Variants in ZNF45 observed in about 807,000 individuals in gnomAD.
The protein encoded by ZNF45 is zinc finger protein 45, also known as BRC1744.
A neutral mutation model predicts 12.0 loss-of-function variants in ZNF45; 4 were observed. That is an observed-to-expected ratio of 0.33 (90% CI 0.16 to 0.76). The LOEUF (loss-of-function observed/expected upper bound fraction) is 0.76. Ranked by LOEUF, ZNF45 falls within the 30% of genes least tolerant of loss-of-function variation. The probability of loss-of-function intolerance (pLI) is 0.60; values close to 1 mark genes in which losing one functional copy is unlikely to be tolerated. For missense variants in ZNF45, 700 were observed against 813.0 expected, an observed-to-expected ratio of 0.86 and a Z score of 1.69; for synonymous variants, 272 against 279.6, an observed-to-expected ratio of 0.97 and a Z score of 0.27.
At chr19:43,923,351 TGA>T (rs370797369) in intron 6 of ZNF45, among the ~76,000 whole-genome samples, 25 of 151,410 alleles carry the variant, frequency 1.7e-4, no homozygotes, top group Admixed American at 1.4e-3. Flanking sequence ...TAAGATATTC[TGA>T]GAGAGAGAGA....
rs11883311 is a variant in ZNF45 at position 43,912,994 on chromosome 19, A to G, written c.*393T>C. The G allele has an allele frequency of 6.7e-3, 1,092 of 162,054 alleles. 17 individuals carry two copies. The highest frequency in any genetic ancestry group is 0.025 in the African/African-American group (1,033 of 41,902). 10.0% of individuals were successfully genotyped at this position (162,054 alleles called of 1,614,324 possible). On this transcript the variant is annotated 3_prime_UTR_variant, in exon 10 of 10. Coordinates refer to ENST00000269973, the MANE Select transcript of ZNF45 (RefSeq NM_003425.4). ...CTAGAGATAAATAAAAATGTCAAATATTACTGAATTTCAAATATGACAGTA... is the reference window on the plus strand; with the variant it reads ...CTAGAGATAAATAAAAATGTCAAATGTTACTGAATTTCAAATATGACAGTA...
At chr19:43,930,654 G>C (rs1291004872) in intron 3 of ZNF45, among the ~76,000 whole-genome samples, 2 of 152,096 alleles carry the variant, frequency 1.3e-5, no homozygotes, top group Non-Finnish European at 2.9e-5. Context: ...AAGAGGAAAG[G>C]GCTGCAGAAT....
chr19:43,927,222 A>G (rs1023596538), intron 3 of ZNF45, among the ~76,000 whole-genome samples: 1 of 152,148 alleles, frequency 6.6e-6, no homozygotes, highest in African/African-American at 2.4e-5. Context: ...CTAGGTATTT[A>G]CTTACTTATA....
chr19:43,915,418 C>A (rs1972561561), intron 9 of ZNF45, among the ~76,000 whole-genome samples: 1 of 152,226 alleles, frequency 6.6e-6, no homozygotes, highest in African/African-American at 2.4e-5. Flanking sequence ...GGGATTATTT[C>A]ATTGGAAGTT....
intron 7 of ZNF45, among the ~76,000 whole-genome samples, chr19:43,919,975 T>C (rs1239854559): frequency 6.6e-6 from 1 of 152,206 alleles, no homozygotes; most frequent in African/African-American, 2.4e-5. Context: ...TGTCAAAGAA[T>C]ATGCAACTTC....
At position 43,913,264 on chromosome 19, in the gene ZNF45, T is replaced by C; in HGVS notation, c.*123A>G. ...CATATGTCTCCACTCTTGTGAGGCT[T>C]CTCTGCTGTGTGGTCTCCCAATCAC... On this transcript the variant is annotated 3_prime_UTR_variant, in exon 10 of 10. Transcript: ENST00000269973. 8.7e-7 allele frequency: 1 copy of C among 1,151,404 alleles called. No individual in the cohort carries two copies. The highest frequency in any genetic ancestry group is 1.2e-6 in the Non-Finnish European group (1 of 824,852). The allele number at this position is 1,151,404 out of a possible 1,614,324, so 71.3% of individuals were successfully genotyped here.
rs1474579918 is a variant in ZNF45 at position 43,913,481 on chromosome 19, C to T, written c.1955G>A (p.Ser652Asn). 3.7e-6 allele frequency: 6 copies of T among 1,613,134 alleles called. No homozygotes were observed. The highest frequency in any genetic ancestry group is 4.2e-6 in the Non-Finnish European group (5 of 1,179,392). Residue 652 changes from serine (S) to asparagine (N), a missense_variant, in exon 10 of 10, where the codon AGC (serine) becomes AAC (asparagine). By Grantham distance (46) the Ser-to-Asn change is conservative. Transcript: ENST00000269973. Reference protein sequence around the residue: ...CEECGKGFSWSSSLIIHQRVH... With the variant: ...CEECGKGFSWNSSLIIHQRVH... ...TCGCTGATGAATGATAAGACTTGAG[C>T]TCCAACTGAAGCCCTTCCCACACTC... is the stretch of plus-strand genomic sequence containing the variant.
intron 3 of ZNF45, among the ~76,000 whole-genome samples, chr19:43,930,537 C>G (rs1974051118): frequency 6.6e-6 from 1 of 152,162 alleles, no homozygotes; most frequent in Non-Finnish European, 1.5e-5. Context: ...ACGGAACTGT[C>G]CAAGGGCACC....
chr19:43,914,197 C>G lies in ZNF45; in HGVS notation c.1239G>C (p.Glu413Asp), dbSNP rs774339345. The G allele has an allele frequency of 6.2e-7, 1 of 1,606,428 alleles. No homozygotes were observed. Among genetic ancestry groups the G allele is most frequent in the African/African-American group, 1.3e-5 (1 of 74,820 alleles). Residue 413 changes from glutamate to aspartate, a missense_variant, in exon 10 of 10, where the codon GAG becomes GAC. By Grantham distance (45) the Glu-to-Asp change is conservative. Transcript: ENST00000269973. ...CACATGCATCACACTGATACGGTTT[C>G]TCTCCAGTATGGCCTCTTTGATGGT... ...LLDHQRGHTG[E>D]KPYQCDACGK... is the part of the protein sequence containing the mutation.
intron 9 of ZNF45, among the ~76,000 whole-genome samples, chr19:43,918,175 G>A (rs1972843408): frequency 6.6e-6 from 1 of 152,136 alleles, no homozygotes; most frequent in Non-Finnish European, 1.5e-5. Flanking sequence ...TTTTTTCCTT[G>A]TGTAAAGTGT....
intron 3 of ZNF45, among the ~76,000 whole-genome samples, chr19:43,927,009 G>T (rs192021593): frequency 6.6e-6 from 1 of 152,292 alleles, no homozygotes; most frequent in East Asian, 1.9e-4. Context: ...GGAGGCTTGA[G>T]GGGGAGGAGG....
In ZNF45 at chr19:43,914,090, C is replaced by T. The variant is rs1190905592; in HGVS notation, c.1346G>A (p.Cys449Tyr). Residue 449 changes from cysteine (C) to tyrosine (Y), a missense_variant, in exon 10 of 10, where the codon TGT becomes TAT. Cys to Tyr is a radical substitution (Grantham distance 194). Coordinates refer to ENST00000269973, the MANE Select transcript of ZNF45 (RefSeq NM_003425.4). ...TGEKPYKCEECGKGFSQASNL... is the reference protein window; with the variant it reads ...TGEKPYKCEEYGKGFSQASNL... ...TGAGGCCTGGCTGAAGCCCTTGCCA[C>T]ACTCCTCACATTTATAGGGTTTTTC... 26 of 1,614,038 alleles carry T rather than the reference C, an allele frequency of 1.6e-5. No homozygotes were observed. The highest frequency in any genetic ancestry group is 2.2e-5 in the Non-Finnish European group (26 of 1,180,022).
chr19:43,918,936 G>A lies in ZNF45; in HGVS notation c.169C>T (p.Pro57Ser). The A allele has an allele frequency of 1.2e-6, 2 of 1,614,092 alleles. No individual in the cohort carries two copies. The highest frequency in any genetic ancestry group is 1.7e-6 in the Non-Finnish European group (2 of 1,180,012). Residue 57 changes from proline (P) to serine (S), a missense_variant, in exon 9 of 10, where the codon CCA (proline) becomes TCA (serine). Pro to Ser is a moderately conservative substitution (Grantham distance 74). Transcript: ENST00000269973. ...AGCTTTTCTTCTCTCTCTAACTGTG[G>A]TAGGCCATCTGGTGTGGACTGATGC... Reference protein sequence around the residue: ...VGHQSTPDGLPQLEREEKLWM... With the variant: ...VGHQSTPDGLSQLEREEKLWM...
intron 9 of ZNF45, among the ~76,000 whole-genome samples, chr19:43,916,688 C>T (rs532145283): frequency 1.3e-5 from 2 of 152,276 alleles, no homozygotes; most frequent in South Asian, 4.1e-4. Context: ...TAAAAGAATT[C>T]CCACTTGTCT....
chr19:43,913,781 C>T lies in ZNF45; in HGVS notation c.1655G>A (p.Gly552Glu). 4 of 1,613,994 alleles carry T rather than the reference C, an allele frequency of 2.5e-6. No homozygotes were observed. Among genetic ancestry groups the T allele is most frequent in the Non-Finnish European group, 3.4e-6 (4 of 1,179,976 alleles). ...QLQAHQRCHTGEKPYQCEECG... is the reference protein window; with the variant it reads ...QLQAHQRCHTEEKPYQCEECG... ...CTCCTCACATTGATAGGGTTTCTCT[C>T]CAGTGTGGCACCTCTGATGGGCTTG... The change falls in exon 10 of 10, where the codon GGA (glycine) becomes GAA (glutamate). Residue 552 changes from glycine (G) to glutamate (E), a missense_variant. Coordinates refer to ENST00000269973, the MANE Select transcript of ZNF45 (RefSeq NM_003425.4).
At chr19:43,927,929 C>T (rs1301458169) in intron 3 of ZNF45, among the ~76,000 whole-genome samples, 1 of 151,910 alleles carries the variant, frequency 6.6e-6, no homozygotes, top group Non-Finnish European at 1.5e-5. Context: ...AATCCCAGCA[C>T]TTTGGGAGAG....
intron 3 of ZNF45, among the ~76,000 whole-genome samples, chr19:43,931,704 A>C (rs1391461892): frequency 6.6e-6 from 1 of 152,150 alleles, no homozygotes; most frequent in Non-Finnish European, 1.5e-5. Context: ...TTTAGTCTTC[A>C]CAGAAACTTT....
chr19:43,914,150 G>A lies in ZNF45; in HGVS notation c.1286C>T (p.Ser429Leu). 1 of 1,613,894 alleles carries A rather than the reference G, an allele frequency of 6.2e-7. No individual in the cohort carries two copies. Among genetic ancestry groups the A allele is most frequent in the Non-Finnish European group, 8.5e-7 (1 of 1,179,912 alleles). ...GACTCTAAAATGAATGTTAAAATCTGAGCTACGACTGAAGCCCTTACCACA... is the reference window on the plus strand; with the variant it reads ...GACTCTAAAATGAATGTTAAAATCTAAGCTACGACTGAAGCCCTTACCACA... ...DACGKGFSRS[S>L]DFNIHFRVHT... The change falls in exon 10 of 10, where the codon TCA (serine) becomes TTA (leucine). Residue 429 changes from serine to leucine, a missense_variant. By Grantham distance (145) the Ser-to-Leu change is moderately radical. Coordinates refer to ENST00000269973, the MANE Select transcript of ZNF45 (RefSeq NM_003425.4).
At chr19:43,927,868 T>A (rs1425872066) in intron 3 of ZNF45, among the ~76,000 whole-genome samples, 4 of 152,074 alleles carry the variant, frequency 2.6e-5, no homozygotes, top group African/African-American at 9.7e-5. Context: ...CATGGAATAC[T>A]AGGCGGCCAT....
Sources: allele counts gnomAD v4.1 joint callset (sites outside exome capture counted in the v4.1 genomes callset), GRCh38; gene constraint gnomAD v4.1.1; transcripts MANE v1.5; gene names NCBI Gene and HGNC (gene_info 2026-07-23, HGNC 2026-07-21).